Variants in RXFP2 observed in about 807,000 individuals in gnomAD.
RXFP2 encodes the protein relaxin family peptide receptor 2.
Under a neutral mutation model 88.6 loss-of-function variants are expected in RXFP2, and 68 were observed. That is an observed-to-expected ratio of 0.77 (90% CI 0.63 to 0.94). RXFP2 has a LOEUF of 0.94. RXFP2 is among the 40% of genes least tolerant of loss of function. RXFP2 has a pLI of 0.00. For missense variants in RXFP2, 791 were observed against 893.9 expected, an observed-to-expected ratio of 0.88 and a Z score of 1.47; for synonymous variants, 329 against 306.8, an observed-to-expected ratio of 1.07 and a Z score of -0.76.
In RXFP2 at chr13:31,776,102, T is replaced by TTTTCTTTCTTTCTTTCTTTCTTTCTTTC. The variant is rs71099993; in HGVS notation, c.641+727_641+754dup. ...TTTCCTTCCTTCTTTCTTTCTTTTC[T>TTTTCTTTCTTTCTTTCTTTCTTTCTTTC]TTTCTTTCTTTCTTTCTTTCTTTCT... On this transcript the variant is annotated intron_variant, in intron 7 of 17. Transcript: ENST00000298386. Among the ~76,000 whole-genome samples, 20 of 109,906 alleles carry TTTTCTTTCTTTCTTTCTTTCTTTCTTTC rather than the reference T, an allele frequency of 1.8e-4. No individual in the cohort carries two copies. In the East Asian group the frequency reaches 3.2e-3, roughly 18 times the overall value. 72.1% of individuals were successfully genotyped at this position (109,906 alleles called of 152,430 possible).
At chr13:31,787,657 T>C (rs576910135) in intron 13 of RXFP2, among the ~76,000 whole-genome samples, 3 of 152,036 alleles carry the variant, frequency 2.0e-5, no homozygotes, top group African/African-American at 7.3e-5. Flanking sequence ...TTCTTTCTTT[T>C]GAGACAGAGT....
chr13:31,758,339 T>C lies in RXFP2; in HGVS notation c.176T>C (p.Leu59Ser), dbSNP rs746333545. 3.1e-6 allele frequency: 5 copies of C among 1,614,152 alleles called. No homozygotes were observed. In the East Asian group the frequency reaches 8.9e-5, roughly 29 times the overall value. Residue 59 changes from leucine to serine, a missense_variant, in exon 2 of 18, where the codon TTA (leucine) becomes TCA (serine). Physicochemically the swap from Leu to Ser is moderately radical, Grantham distance 145 (BLOSUM62 -2). Coordinates refer to ENST00000298386, the MANE Select transcript of RXFP2 (RefSeq NM_130806.5). Reference sequence around the variant, plus strand: ...CCCTGTGGGAATCTTACCAAGTGCTTACCCCGAGCTTTTCACTGTGATGGC... The same window carrying C: ...CCCTGTGGGAATCTTACCAAGTGCTCACCCCGAGCTTTTCACTGTGATGGC... ...YFPCGNLTKC[L>S]PRAFHCDGKD...
chr13:31,780,552 A>G (rs1486651375), intron 9 of RXFP2, among the ~76,000 whole-genome samples: 1 of 152,220 alleles, frequency 6.6e-6, no homozygotes, highest in African/African-American at 2.4e-5. Flanking sequence ...TAAAATGACA[A>G]AGGGATTGGT....
Position 31,802,570 on chromosome 13 carries a change from A to T in RXFP2, c.*165A>T. 2.5e-6 allele frequency: 2 copies of T among 785,140 alleles called. No individual in the cohort carries two copies. Among genetic ancestry groups the T allele is most frequent in the Non-Finnish European group, 4.4e-6 (2 of 459,340 alleles). The allele number at this position is 785,140 out of a possible 1,614,324, so 48.6% of individuals were successfully genotyped here. Reference sequence around the variant, plus strand: ...ACTGCATTCCAATGGCAGCTGTACTATCTACCAACCATGCTGAGGACAGCA... The same window carrying T: ...ACTGCATTCCAATGGCAGCTGTACTTTCTACCAACCATGCTGAGGACAGCA... On this transcript the variant is annotated 3_prime_UTR_variant, in exon 18 of 18. Coordinates refer to ENST00000298386, the MANE Select transcript of RXFP2 (RefSeq NM_130806.5).
intron 6 of RXFP2, among the ~76,000 whole-genome samples, chr13:31,774,971 G>T (rs74044222): frequency 8.9e-4 from 136 of 152,206 alleles, no homozygotes; most frequent in African/African-American, 3.0e-3. Flanking sequence ...AACTTGCTAT[G>T]CATTTTCTTA....
At chr13:31,799,672 C>T (rs565087279) in intron 17 of RXFP2, among the ~76,000 whole-genome samples, 2 of 152,184 alleles carry the variant, frequency 1.3e-5, no homozygotes, top group African/African-American at 4.8e-5. Flanking sequence ...CATCTCACCT[C>T]ACCTCAATGA....
chr13:31,775,229 T>A, intron 6 of RXFP2, 89 bp from the exon 7 acceptor site: 1 of 1,055,576 alleles, frequency 9.5e-7, no homozygotes, highest in Non-Finnish European at 1.5e-6. Flanking sequence ...TCCATATCCA[T>A]AATCATCATC....
intron 1 of RXFP2, among the ~76,000 whole-genome samples, chr13:31,754,675 T>G (rs981250038): frequency 2.9e-4 from 44 of 152,256 alleles, no homozygotes; most frequent in Non-Finnish European, 5.4e-4. Context: ...AATCGCTTCT[T>G]CTAAACATTA....
chr13:31,743,085 T>C (rs1308279698), intron 1 of RXFP2, among the ~76,000 whole-genome samples: 3 of 152,190 alleles, frequency 2.0e-5, no homozygotes, highest in African/African-American at 7.2e-5. Context: ...TGAAGGTCAA[T>C]GTTGTTATCA....
At chr13:31,757,247 G>C (rs1871997866) in intron 1 of RXFP2, among the ~76,000 whole-genome samples, 2 of 152,146 alleles carry the variant, frequency 1.3e-5, no homozygotes, top group Admixed American at 6.5e-5. Context: ...TAGTCTCATA[G>C]TGCAATGGCT....
chr13:31,751,292 C>T (rs1463673883), intron 1 of RXFP2, among the ~76,000 whole-genome samples: 1 of 151,356 alleles, frequency 6.6e-6, no homozygotes, highest in African/African-American at 2.4e-5. Flanking sequence ...AAATCCATTT[C>T]AAGAAATACA....
At chr13:31,742,010 C>G (rs1871239367) in intron 1 of RXFP2, among the ~76,000 whole-genome samples, 1 of 152,026 alleles carries the variant, frequency 6.6e-6, no homozygotes, top group African/African-American at 2.4e-5. Context: ...AACTCCAAAG[C>G]CACAGGCAGA....
Position 31,792,754 on chromosome 13 carries a change from G to T in RXFP2, c.1452G>T (p.Lys484Asn), listed in dbSNP as rs1413119163. 1 of 1,614,166 alleles carries T rather than the reference G, an allele frequency of 6.2e-7. No homozygotes were observed. ...FDIKYRGQYQ[K>N]YALLWMESVQ... ...TAAAATACCGAGGGCAGTATCAGAA[G>T]TATGCCTTGCTGTGGATGGAGAGCG... Residue 484 changes from lysine to asparagine, a missense_variant, in exon 16 of 18, where the codon AAG (lysine) becomes AAT (asparagine). Lys to Asn is a moderately conservative substitution (Grantham distance 94). Coordinates refer to ENST00000298386, the MANE Select transcript of RXFP2 (RefSeq NM_130806.5).
chr13:31,751,037 C>T (rs1272574626), intron 1 of RXFP2, among the ~76,000 whole-genome samples: 1 of 152,146 alleles, frequency 6.6e-6, no homozygotes, highest in Non-Finnish European at 1.5e-5. Context: ...TGCCTGTAAT[C>T]CCAGCACTTT....
chr13:31,788,797 T>C (rs1223757658), intron 13 of RXFP2, among the ~76,000 whole-genome samples: 1 of 152,220 alleles, frequency 6.6e-6, no homozygotes, highest in African/African-American at 2.4e-5. Context: ...CTCTAATTCC[T>C]ATGGCATTAC....
Position 31,786,932 on chromosome 13 carries a change from T to C in RXFP2, c.1073+295T>C, listed in dbSNP as rs576830125. Among the ~76,000 whole-genome samples the C allele has an allele frequency of 1.1e-4, 16 of 152,374 alleles. No individual in the cohort carries two copies. In the East Asian group the frequency reaches 2.9e-3, roughly 28 times the overall value. On this transcript the variant is annotated intron_variant, in intron 13 of 17. Coordinates refer to ENST00000298386, the MANE Select transcript of RXFP2 (RefSeq NM_130806.5). ...TCACAAAGAATTAAATTTGCAATAG[T>C]TTTGTTTCTAAAAGTTTGGTTAAAA...
chr13:31,785,718 T>C (rs1386328792), intron 11 of RXFP2, among the ~76,000 whole-genome samples: 1 of 152,144 alleles, frequency 6.6e-6, no homozygotes, highest in East Asian at 1.9e-4. Flanking sequence ...ACATCTTCTC[T>C]GGCTCAGAAA....
intron 3 of RXFP2, among the ~76,000 whole-genome samples, chr13:31,764,524 G>T (rs1432560590): frequency 6.6e-6 from 1 of 152,124 alleles, no homozygotes; most frequent in East Asian, 1.9e-4. Context: ...GGAATATCTG[G>T]CTGGATGGAT....
At chr13:31,775,465 C>T in intron 7 of RXFP2, 76 bp downstream of exon 7, 2 of 1,033,144 alleles carry the variant, frequency 1.9e-6, no homozygotes, top group South Asian at 1.3e-5. Context: ...ATGTAGTTTC[C>T]ACTATTTGAC....
Sources: allele counts gnomAD v4.1 joint callset (sites outside exome capture counted in the v4.1 genomes callset), GRCh38; gene constraint gnomAD v4.1.1; transcripts MANE v1.5; gene names NCBI Gene and HGNC (gene_info 2026-07-23, HGNC 2026-07-21).